WWOX: variants seen among roughly 807,000 people sequenced by gnomAD.
WWOX encodes WW domain containing oxidoreductase.
A neutral mutation model predicts 46.2 loss-of-function variants in WWOX; 69 were observed. The observed-to-expected ratio is 1.49, with a 90% CI of 1.23 to 1.82. The LOEUF (loss-of-function observed/expected upper bound fraction) is 1.82, where lower values mean the gene tolerates loss of function less well. Among genes scored for constraint, WWOX ranks in the 40% most tolerant of loss-of-function variants. The pLI, the probability that WWOX is intolerant of heterozygous loss-of-function variation, is 0.00. For missense variants in WWOX, 919 were observed against 542.6 expected (o/e 1.69, Z -6.89); for synonymous variants, 359 against 202.6 (o/e 1.77, Z -6.56).
intron 8 of WWOX, among the ~76,000 whole-genome samples, chr16:78,777,765 G>T (rs559846122): frequency 1.2e-4 from 19 of 152,206 alleles, no homozygotes; most frequent in African/African-American, 4.3e-4. Flanking sequence ...CTCACATTTC[G>T]ACTGGGCCTG....
intron 8 of WWOX, among the ~76,000 whole-genome samples, chr16:78,512,979 C>G (rs1430228420): frequency 3.9e-5 from 6 of 152,204 alleles, no homozygotes; most frequent in Admixed American, 6.5e-5. Flanking sequence ...GTCATCACAG[C>G]TGCTGCTTTG....
chr16:78,840,900 A>T (rs936379621), intron 8 of WWOX, among the ~76,000 whole-genome samples: 5 of 152,044 alleles, frequency 3.3e-5, no homozygotes, highest in African/African-American at 7.2e-5. Context: ...AGTAGCAAAC[A>T]TCTAGACGTA....
At chr16:78,184,642 A>G (rs891875672) in intron 5 of WWOX, among the ~76,000 whole-genome samples, 1 of 152,110 alleles carries the variant, frequency 6.6e-6, no homozygotes, top group African/African-American at 2.4e-5. Flanking sequence ...ACAAATATTT[A>G]TATTACATTC....
chr16:78,667,434 G>A (rs906296469), intron 8 of WWOX, among the ~76,000 whole-genome samples: 3 of 152,094 alleles, frequency 2.0e-5, no homozygotes, highest in African/African-American at 7.2e-5. Context: ...ACTTTGGGAG[G>A]CCGAGGCGGG....
At chr16:78,500,982 A>G (rs2085049443) in intron 8 of WWOX, among the ~76,000 whole-genome samples, 1 of 152,006 alleles carries the variant, frequency 6.6e-6, no homozygotes, top group Admixed American at 6.6e-5. Flanking sequence ...TTGACTTAAA[A>G]CCCAGCCAGG....
chr16:78,578,254 T>TTATACATATATATATATATA (rs1555567047), intron 8 of WWOX, among the ~76,000 whole-genome samples: 3 of 31,630 alleles, frequency 9.5e-5, no homozygotes, highest in Non-Finnish European at 1.8e-4. Flanking sequence ...ATACCAAATT[T>TTATACATATATATATATATA]TATATATATA....
At chr16:79,089,609 C>G (rs1358016039) in intron 8 of WWOX, among the ~76,000 whole-genome samples, 1 of 152,164 alleles carries the variant, frequency 6.6e-6, no homozygotes, top group African/African-American at 2.4e-5. Flanking sequence ...GGATTACAGG[C>G]ATGAGCCACC....
intron 8 of WWOX, among the ~76,000 whole-genome samples, chr16:78,537,853 G>A (rs2859644): frequency 0.84 from 128,057 of 152,090 alleles, 54,706 homozygotes; most frequent in East Asian, 1. Context: ...CCACCCGGCA[G>A]TGGAAAAGCC....
At chr16:78,537,807 C>T (rs1028161450) in intron 8 of WWOX, among the ~76,000 whole-genome samples, 1 of 152,028 alleles carries the variant, frequency 6.6e-6, no homozygotes, top group African/African-American at 2.4e-5. Context: ...CAGGGGTGTG[C>T]TGGGAGGGCC....
chr16:78,191,941 A>G (rs753665365), intron 5 of WWOX, among the ~76,000 whole-genome samples: 4 of 152,216 alleles, frequency 2.6e-5, no homozygotes, highest in East Asian at 3.8e-4. Flanking sequence ...CACACAGAGA[A>G]CACTAAAATT....
intron 8 of WWOX, among the ~76,000 whole-genome samples, chr16:78,976,032 G>A (rs140621138): frequency 1.1e-3 from 172 of 152,266 alleles, no homozygotes; most frequent in African/African-American, 3.8e-3. Flanking sequence ...TCAATGGTGC[G>A]TTTAGCCAGC....
chr16:78,605,254 T>C (rs1023155158), intron 8 of WWOX, among the ~76,000 whole-genome samples: 12 of 151,970 alleles, frequency 7.9e-5, no homozygotes, highest in African/African-American at 2.9e-4. Flanking sequence ...ATTGTTAGCG[T>C]TGTCTCTCCA....
chr16:78,853,577 C>T (rs944777659), intron 8 of WWOX, among the ~76,000 whole-genome samples: 1 of 152,298 alleles, frequency 6.6e-6, no homozygotes, highest in East Asian at 1.9e-4. Context: ...GACCATGAGG[C>T]AGAATCTTTG....
chr16:78,758,046 G>C (rs75012306), intron 8 of WWOX, among the ~76,000 whole-genome samples: 2 of 151,888 alleles, frequency 1.3e-5, no homozygotes, highest in Admixed American at 1.3e-4. Context: ...CCTTCACAAT[G>C]TGCCCCTATT....
intron 8 of WWOX, among the ~76,000 whole-genome samples, chr16:78,879,933 C>G (rs1420523803): frequency 1.3e-5 from 2 of 151,862 alleles, no homozygotes; most frequent in African/African-American, 4.8e-5. Context: ...TCTCTAGGGT[C>G]TCTGGTATTA....
At chr16:78,275,751 G>T (rs1377367658) in intron 5 of WWOX, among the ~76,000 whole-genome samples, 2 of 152,146 alleles carry the variant, frequency 1.3e-5, no homozygotes, top group African/African-American at 4.8e-5. Context: ...CTTCCTTTTG[G>T]TATTTGTCCC....
chr16:78,101,116 C>T (rs1009203837), intron 1 of WWOX, among the ~76,000 whole-genome samples: 4 of 151,422 alleles, frequency 2.6e-5, no homozygotes, highest in African/African-American at 9.7e-5. Context: ...GGCGCGATCT[C>T]GGCTCACTGC....
chr16:78,308,312 G>C (rs2080171366), intron 5 of WWOX, among the ~76,000 whole-genome samples: 2 of 152,140 alleles, frequency 1.3e-5, no homozygotes, highest in Admixed American at 6.5e-5. Context: ...CTGGGCCAAG[G>C]GGATTCCGAA....
rs555091306 is a variant in WWOX, at chr16:78,336,775, A to G, written c.517-50085A>G. Reference sequence around the variant, plus strand: ...GTATTTCCTGAGTTTTTACAATTATAGTATTAAGATATTCCTAGGTTTTTG... The same window carrying G: ...GTATTTCCTGAGTTTTTACAATTATGGTATTAAGATATTCCTAGGTTTTTG... On this transcript the variant is annotated intron_variant, in intron 5 of 8. Coordinates refer to ENST00000566780, the MANE Select transcript of WWOX (RefSeq NM_016373.4). 5.9e-5 allele frequency among the ~76,000 whole-genome samples: 9 copies of G among 152,178 alleles called. No homozygotes were observed. In the East Asian group the frequency reaches 1.7e-3, roughly 29 times the overall value.
Sources: allele counts gnomAD v4.1 joint callset (sites outside exome capture counted in the v4.1 genomes callset), GRCh38; gene constraint gnomAD v4.1.1; transcripts MANE v1.5; gene names NCBI Gene and HGNC (gene_info 2026-07-23, HGNC 2026-07-21).